Variants in FLG observed in about 807,000 individuals in gnomAD.
FLG encodes the protein epidermal filaggrin.
In FLG, 6 loss-of-function variants were observed where a neutral mutation model predicts 3.8. The observed-to-expected ratio is 1.60, with a 90% CI of 0.87 to 3.15. The LOEUF is 3.15. FLG is among the 30% of genes most tolerant of loss of function. The probability of loss-of-function intolerance (pLI) is 0.00; values close to 1 mark genes in which losing one functional copy is unlikely to be tolerated. For synonymous variants in FLG, 2,551 were observed against 1,931.6 expected, an observed-to-expected ratio of 1.32 and a Z score of -8.41; for missense variants, 7,595 against 5,050.9, an observed-to-expected ratio of 1.50 and a Z score of -15.27.
In FLG at chr1:152,310,098, C is replaced by G. The variant is rs1243954608; in HGVS notation, c.4788G>C (p.Gln1596His). Residue 1596 changes from glutamine (Q) to histidine (H), a missense_variant, in exon 3 of 3, where the codon CAG becomes CAC. Gln to His is a conservative substitution (Grantham distance 24). Transcript: ENST00000368799. ...TSRRQGSSVSQDRDSEGHSED... is the reference protein window; with the variant it reads ...TSRRQGSSVSHDRDSEGHSED... ...CTGAGTGTCCCTCACTGTCCCTGTC[C>G]TGACTAACACTGGATCCCTGGCGCC... 5 of 1,613,758 alleles carry G rather than the reference C, an allele frequency of 3.1e-6. No individual in the cohort carries two copies. Among genetic ancestry groups the G allele is most frequent in the African/African-American group, 1.3e-5 (1 of 74,876 alleles).
chr1:152,313,565 C>T lies in FLG; in HGVS notation c.1321G>A (p.Gly441Arg), dbSNP rs779690124. 31 of 1,613,904 alleles carry T rather than the reference C, an allele frequency of 1.9e-5. No individual in the cohort carries two copies. The highest frequency in any genetic ancestry group is 4.5e-5 in the East Asian group (2 of 44,862). The change falls in exon 3 of 3, where the codon GGA (glycine) becomes AGA (arginine). Residue 441 changes from glycine to arginine, a missense_variant. Coordinates refer to ENST00000368799, the MANE Select transcript of FLG (RefSeq NM_002016.2). ...NSDTQSVSGH[G>R]KAGLRQQSHQ... ...CTCTGCTGTCTCAGCCCAGCCTTTC[C>T]GTGGCCTGACACTGATTGTGTGTCT...
intron 1 of FLG, among the ~76,000 whole-genome samples, chr1:152,318,741 G>T (rs1033955451): frequency 6.6e-6 from 1 of 151,748 alleles, no homozygotes; most frequent in Non-Finnish European, 1.5e-5. Context: ...CTACTAAAGG[G>T]TTAGGCACTG....
Position 152,308,893 on chromosome 1 carries a change from C to G in FLG, c.5993G>C (p.Arg1998Thr). The G allele has an allele frequency of 3.7e-6, 6 of 1,614,180 alleles. No homozygotes were observed. Among genetic ancestry groups the G allele is most frequent in the Non-Finnish European group, 5.1e-6 (6 of 1,180,008 alleles). Residue 1998 changes from arginine to threonine, a missense_variant, in exon 3 of 3, where the codon AGA becomes ACA. Physicochemically the swap from Arg to Thr is moderately conservative, Grantham distance 71 (BLOSUM62 -1). Coordinates refer to ENST00000368799, the MANE Select transcript of FLG (RefSeq NM_002016.2). ...TCCATGTCTTTCTCCTGCACTTGAT[C>G]TTGCCTGTTCATGGGATGACGCAGC... ...GQAASSHEQA[R>T]SSAGERHGSH... is the part of the protein sequence containing the mutation.
In FLG at chr1:152,309,269, G is replaced by T. The variant is rs62623409; in HGVS notation, c.5617C>A (p.Gln1873Lys). ...GAGTGCCTGGAGCCGTCTCCTGATT[G>T]TTTCTCATTACGTGTTTGTCTGCTG... is the stretch of plus-strand genomic sequence containing the variant. ...SVSRQTRNEK[Q>K]SGDGSRHSGS... The change falls in exon 3 of 3, where the codon CAA becomes AAA. Residue 1873 changes from glutamine to lysine, a missense_variant. Coordinates refer to ENST00000368799, the MANE Select transcript of FLG (RefSeq NM_002016.2). 38,772 of 1,613,794 alleles carry T rather than the reference G, an allele frequency of 0.024. 719 individuals are homozygous for T. The highest frequency in any genetic ancestry group is 0.055 in the South Asian group (5,027 of 91,058).
In FLG at chr1:152,310,927, C is replaced by T. The variant is rs1038934564; in HGVS notation, c.3959G>A (p.Gly1320Glu). 8 of 1,613,802 alleles carry T rather than the reference C, an allele frequency of 5.0e-6. No homozygotes were observed. The highest frequency in any genetic ancestry group is 1.3e-5 in the African/African-American group (1 of 74,834). The change falls in exon 3 of 3, where the codon GGG becomes GAG. Residue 1320 changes from glycine (G) to glutamate (E), a missense_variant. Coordinates refer to ENST00000368799, the MANE Select transcript of FLG (RefSeq NM_002016.2). ...GFHQEDRASHGHSADSSRQSG... is the reference protein window; with the variant it reads ...GFHQEDRASHEHSADSSRQSG... ...TTGTCTGGAGCTGTCTGCAGAGTGC[C>T]CGTGACTGGCTCTGTCTTCTTGATG... is the stretch of plus-strand genomic sequence containing the variant.
chr1:152,303,361 T>A lies in FLG; in HGVS notation c.11525A>T (p.His3842Leu), dbSNP rs1366497372. ...EASTQADSSR[H>L]SQSGQGESAG... is the part of the protein sequence containing the mutation. Reference sequence around the variant, plus strand: ...TGATTCACCCTGGCCGGACTGTGAGTGTCTAGAGCTGTCAGCCTGAGTGGA... The same window carrying A: ...TGATTCACCCTGGCCGGACTGTGAGAGTCTAGAGCTGTCAGCCTGAGTGGA... Residue 3842 changes from histidine (H) to leucine (L), a missense_variant, in exon 3 of 3, where the codon CAC (histidine) becomes CTC (leucine). By Grantham distance (99) the His-to-Leu change is moderately conservative (BLOSUM62 -3). Transcript: ENST00000368799. 7.4e-6 allele frequency: 12 copies of A among 1,614,022 alleles called. No individual in the cohort carries two copies. The highest frequency in any genetic ancestry group is 1.0e-5 in the Non-Finnish European group (12 of 1,180,008).
Position 152,308,350 on chromosome 1 carries a change from G to C in FLG, c.6536C>G (p.Ala2179Gly), listed in dbSNP as rs758566501. 5 of 1,613,460 alleles carry C rather than the reference G, an allele frequency of 3.1e-6. No homozygotes were observed. In the East Asian group the frequency reaches 8.9e-5, roughly 29 times the overall value. Residue 2179 changes from alanine (A) to glycine (G), a missense_variant, in exon 3 of 3, where the codon GCC becomes GGC. By Grantham distance (60) the Ala-to-Gly change is moderately conservative (BLOSUM62 0). Transcript: ENST00000368799. The part of the protein sequence containing the change: ...SHTTSQGRSD[A>G]SRGQSGSRSA... ...TCTGGATCCTGACTGCCCACGGGAG[G>C]CATCAGACCTTCCCTGGGATGTGGT...
At chr1:152,316,094 C>A (rs922960983) in intron 1 of FLG, among the ~76,000 whole-genome samples, 1 of 152,082 alleles carries the variant, frequency 6.6e-6, no homozygotes, top group Non-Finnish European at 1.5e-5. Flanking sequence ...CAGTTTATCT[C>A]ATTGGTGAAG....
At position 152,311,758 on chromosome 1, in the gene FLG, C is replaced by T. The variant is rs1300989520; in HGVS notation, c.3128G>A (p.Ser1043Asn). 1 of 1,614,186 alleles carries T rather than the reference C, an allele frequency of 6.2e-7. No homozygotes were observed. Among genetic ancestry groups the T allele is most frequent in the Non-Finnish European group, 8.5e-7 (1 of 1,180,040 alleles). The part of the protein sequence containing the change: ...HGSRHQQSAD[S>N]SRHSGIPRRQ... ...GCGCGGAATGCCTGAGTGTCTGGAG[C>T]TGTCTGCTGACTGCTGGTGGCGGGA... The change falls in exon 3 of 3, where the codon AGC becomes AAC. Residue 1043 changes from serine to asparagine, a missense_variant. Coordinates refer to ENST00000368799, the MANE Select transcript of FLG (RefSeq NM_002016.2).
At chr1:152,323,076 A>G (rs1653030271) in intron 1 of FLG, among the ~76,000 whole-genome samples, 1 of 151,648 alleles carries the variant, frequency 6.6e-6, no homozygotes, top group Non-Finnish European at 1.5e-5. Flanking sequence ...ACATTTGGTT[A>G]ATGGCAAAGA....
At chr1:152,323,229 G>A (rs996281729) in intron 1 of FLG, among the ~76,000 whole-genome samples, 8 of 151,622 alleles carry the variant, frequency 5.3e-5, no homozygotes, top group African/African-American at 1.9e-4. Context: ...ATATCTTCAG[G>A]ACCTCGGGGT....
rs1323940158 is a variant in FLG at position 152,309,771 on chromosome 1, T to G, written c.5115A>C (p.Val1705=). ...SGTGRRQDSS[V]VGDSGNRGSS... ...ACCCTCGGTTTCCACTGTCTCCGAC[T>G]ACAGATGAATCTTGTCTGCGCCCAG... Residue 1705 remains valine (V), a synonymous_variant, in exon 3 of 3, where the codon GTA becomes GTC. Coordinates refer to ENST00000368799, the MANE Select transcript of FLG (RefSeq NM_002016.2). 1 of 1,614,022 alleles carries G rather than the reference T, an allele frequency of 6.2e-7. No homozygotes were observed. Among genetic ancestry groups the G allele is most frequent in the South Asian group, 1.1e-5 (1 of 91,080 alleles).
At chr1:152,322,073 A>G (rs1267820750) in intron 1 of FLG, among the ~76,000 whole-genome samples, 2 of 151,254 alleles carry the variant, frequency 1.3e-5, no homozygotes, top group African/African-American at 2.4e-5. Context: ...AAAATTGATA[A>G]AATCCAATAT....
In FLG at chr1:152,307,327, T is replaced by C. The variant is rs1652042347; in HGVS notation, c.7559A>G (p.Asp2520Gly). 5 of 1,613,658 alleles carry C rather than the reference T, an allele frequency of 3.1e-6. No individual in the cohort carries two copies. The highest frequency in any genetic ancestry group is 4.2e-6 in the Non-Finnish European group (5 of 1,179,974). The change falls in exon 3 of 3, where the codon GAT becomes GGT. Residue 2520 changes from aspartate (D) to glycine (G), a missense_variant. Coordinates refer to ENST00000368799, the MANE Select transcript of FLG (RefSeq NM_002016.2). ...CCTGGAGCCGTCTCCTGATTGTTCA[T>C]CGTTACGAGTTTGTCTGCTTGCACT... Reference protein sequence around the residue: ...SRSASRQTRNDEQSGDGSRHS... With the variant: ...SRSASRQTRNGEQSGDGSRHS...
At position 152,305,266 on chromosome 1, in the gene FLG, C is replaced by T. The variant is rs138096455; in HGVS notation, c.9620G>A (p.Arg3207Lys). Residue 3207 changes from arginine (R) to lysine (K), a missense_variant, in exon 3 of 3, where the codon AGA (arginine) becomes AAA (lysine). Transcript: ENST00000368799. ...AVQGQSEGSR[R>K]SRRQGSSVSQ... ...CACACTGGATCCCTGGCGCCTGCTT[C>T]TCCTGGACCCCTCTGATTGTCCCTG... 2.5e-6 allele frequency: 4 copies of T among 1,612,372 alleles called. No individual in the cohort carries two copies. Among genetic ancestry groups the T allele is most frequent in the East Asian group, 2.2e-5 (1 of 44,612 alleles).
rs200062706 is a variant in FLG at position 152,312,196 on chromosome 1, C to T, written c.2690G>A (p.Arg897His). 1.4e-5 allele frequency: 23 copies of T among 1,603,298 alleles called. No homozygotes were observed. Among genetic ancestry groups the T allele is most frequent in the Admixed American group, 1.7e-5 (1 of 58,800 alleles). ...GCCGTCTCTTGATTGTTCCTCATTA[C>T]GTGTTGTTCTGCTTGCACTTCTGGA... ...SGSRSASRTT[R>H]NEEQSRDGSR... The change falls in exon 3 of 3, where the codon CGT becomes CAT. Residue 897 changes from arginine to histidine, a missense_variant. Transcript: ENST00000368799.
rs759217139 is a variant in FLG, at chr1:152,311,563, C to G, written c.3323G>C (p.Gly1108Ala). The change falls in exon 3 of 3, where the codon GGG becomes GCG. Residue 1108 changes from glycine to alanine, a missense_variant. Coordinates refer to ENST00000368799, the MANE Select transcript of FLG (RefSeq NM_002016.2). Reference sequence around the variant, plus strand: ...AGACCCTGAACGTCCAGACCTTCCCCCTGACCAGTCACGTGCGGACTCTTG... The same window carrying G: ...AGACCCTGAACGTCCAGACCTTCCCGCTGACCAGTCACGTGCGGACTCTTG... ...SHQESARDWSGGRSGRSGSFI... is the reference protein window; with the variant it reads ...SHQESARDWSAGRSGRSGSFI... 1 of 1,613,978 alleles carries G rather than the reference C, an allele frequency of 6.2e-7. No individual in the cohort carries two copies. The highest frequency in any genetic ancestry group is 8.5e-7 in the Non-Finnish European group (1 of 1,180,004).
At chr1:152,322,515 T>TA (rs1164139949) in intron 1 of FLG, among the ~76,000 whole-genome samples, 3 of 150,926 alleles carry the variant, frequency 2.0e-5, no homozygotes, top group African/African-American at 7.2e-5. Flanking sequence ...TACAAAAGCA[T>TA]AAAAAAATCA....
In FLG at chr1:152,309,990, G is replaced by T. The variant is rs936961132; in HGVS notation, c.4896C>A (p.Asn1632Lys). 2.5e-6 allele frequency: 4 copies of T among 1,613,962 alleles called. No homozygotes were observed. Among genetic ancestry groups the T allele is most frequent in the Non-Finnish European group, 3.4e-6 (4 of 1,180,002 alleles). ...CTCTATCTTCTTGATGGGACCTGGGGTTCCTGGAGCCATGTCTTGACTGCT... is the reference window on the plus strand; with the variant it reads ...CTCTATCTTCTTGATGGGACCTGGGTTTCCTGGAGCCATGTCTTGACTGCT... Reference protein sequence around the residue: ...AREQSRHGSRNPRSHQEDRAS... With the variant: ...AREQSRHGSRKPRSHQEDRAS... Residue 1632 changes from asparagine to lysine, a missense_variant, in exon 3 of 3, where the codon AAC becomes AAA. Asn to Lys is a moderately conservative substitution (Grantham distance 94, BLOSUM62 0). Coordinates refer to ENST00000368799, the MANE Select transcript of FLG (RefSeq NM_002016.2).
Sources: gnomAD v4.1 joint callset for allele counts (sites outside exome capture counted in the v4.1 genomes callset) on GRCh38, gnomAD v4.1.1 for gene constraint, MANE v1.5 for transcripts, NCBI Gene and HGNC (gene_info 2026-07-23, HGNC 2026-07-21) for gene names.